PDZRN4: variants seen among roughly 807,000 people sequenced by gnomAD.
The protein encoded by PDZRN4 is PDZ domain-containing RING finger protein 4.
A neutral mutation model predicts 99.0 loss-of-function variants in PDZRN4; 70 were observed. The observed-to-expected ratio is 0.71, with a 90% CI of 0.58 to 0.86. PDZRN4 has a LOEUF of 0.86. Ranked by LOEUF, PDZRN4 falls within the 40% of genes least tolerant of loss-of-function variation. The probability of loss-of-function intolerance (pLI) is 0.00; values close to 1 mark genes in which losing one functional copy is unlikely to be tolerated. For missense variants in PDZRN4, 1,474 were observed against 1,331.2 expected (o/e 1.11, Z -1.67); for synonymous variants, 551 against 501.6 (o/e 1.10, Z -1.32).
chr12:41,390,927 C>A (rs1012775555), intron 3 of PDZRN4, among the ~76,000 whole-genome samples: 2 of 152,110 alleles, frequency 1.3e-5, no homozygotes. Flanking sequence ...AAATATGATT[C>A]TATCATGAAC....
intron 3 of PDZRN4, among the ~76,000 whole-genome samples, chr12:41,201,194 T>C (rs994275121): frequency 2.0e-5 from 3 of 151,902 alleles, no homozygotes; most frequent in Non-Finnish European, 4.4e-5. Flanking sequence ...TACTATCGTT[T>C]CGTGAAACTC....
chr12:41,213,584 G>A (rs1188142402), intron 3 of PDZRN4, among the ~76,000 whole-genome samples: 4 of 151,970 alleles, frequency 2.6e-5, no homozygotes, highest in African/African-American at 2.4e-5. Context: ...TATCACTAGA[G>A]ACAGAAACTA....
chr12:41,374,595 C>T (rs2121087552), intron 3 of PDZRN4, among the ~76,000 whole-genome samples: 1 of 152,204 alleles, frequency 6.6e-6, no homozygotes, highest in Admixed American at 6.5e-5. Context: ...GAATGTTCAA[C>T]AGATATTTAG....
intron 3 of PDZRN4, among the ~76,000 whole-genome samples, chr12:41,213,562 C>T (rs1041627126): frequency 6.6e-6 from 1 of 151,998 alleles, no homozygotes; most frequent in Non-Finnish European, 1.5e-5. Flanking sequence ...TTTCCTCATC[C>T]CTCTTTCTGC....
Position 41,513,190 on chromosome 12 carries a change from T to C in PDZRN4, c.1203+3277T>C, listed in dbSNP as rs116650899. ...ACTTTTAACACACATATTATTTCAC[T>C]GATGGACTGTAACAGGTCCCTTCAG... On this transcript the variant is annotated intron_variant, in intron 5 of 9. Transcript: ENST00000402685. Among the ~76,000 whole-genome samples, 1,493 of 152,212 alleles carry C rather than the reference T, an allele frequency of 9.8e-3. 26 individuals are homozygous for C. Among genetic ancestry groups the C allele is most frequent in the African/African-American group, 0.033 (1,387 of 41,550 alleles).
At chr12:41,197,049 C>T (rs1477742552) in intron 3 of PDZRN4, among the ~76,000 whole-genome samples, 1 of 151,580 alleles carries the variant, frequency 6.6e-6, no homozygotes, top group Non-Finnish European at 1.5e-5. Context: ...TGATATATAA[C>T]TGAAATAAAA....
chr12:41,526,117 T>C (rs917512238), intron 5 of PDZRN4, among the ~76,000 whole-genome samples: 2 of 152,166 alleles, frequency 1.3e-5, no homozygotes, highest in African/African-American at 4.8e-5. Flanking sequence ...TTTGCCTCCA[T>C]AATACCACAC....
At chr12:41,362,247 C>T (rs1273766612) in intron 3 of PDZRN4, among the ~76,000 whole-genome samples, 1 of 151,958 alleles carries the variant, frequency 6.6e-6, no homozygotes. Flanking sequence ...CCCACCCTTG[C>T]TTGCAAAGTG....
At chr12:41,206,534 T>A (rs907705303) in intron 3 of PDZRN4, among the ~76,000 whole-genome samples, 27 of 151,116 alleles carry the variant, frequency 1.8e-4, no homozygotes, top group Admixed American at 1.1e-3. Context: ...TAAGCTTAAT[T>A]AATTAATAAA....
chr12:41,342,795 T>TG (rs1409513799), intron 3 of PDZRN4, among the ~76,000 whole-genome samples: 12 of 152,000 alleles, frequency 7.9e-5, no homozygotes, highest in African/African-American at 2.9e-4. Flanking sequence ...GAAAAAGAGA[T>TG]GGAGTTTTCT....
intron 3 of PDZRN4, among the ~76,000 whole-genome samples, chr12:41,456,569 G>T (rs1390141096): frequency 1.3e-5 from 2 of 152,162 alleles, no homozygotes; most frequent in Non-Finnish European, 2.9e-5. Context: ...CCAGTGCCTG[G>T]AATAGTGGTT....
chr12:41,392,437 A>G (rs979045489), intron 3 of PDZRN4, among the ~76,000 whole-genome samples: 10 of 152,212 alleles, frequency 6.6e-5, no homozygotes, highest in African/African-American at 2.4e-4. Context: ...TTCATTTAAA[A>G]GTCTGGCTGT....
chr12:41,427,748 A>G (rs1952549320), intron 3 of PDZRN4, among the ~76,000 whole-genome samples: 1 of 152,166 alleles, frequency 6.6e-6, no homozygotes, highest in South Asian at 2.1e-4. Flanking sequence ...AGGTCTGAAA[A>G]TGCAAGGAAC....
chr12:41,563,826 G>C (rs1339913705), intron 8 of PDZRN4, among the ~76,000 whole-genome samples, 177 bp downstream of exon 8: 1 of 152,096 alleles, frequency 6.6e-6, no homozygotes, highest in Non-Finnish European at 1.5e-5. Flanking sequence ...TTTAAAAATA[G>C]ATATGAAAGC....
Position 41,268,828 on chromosome 12 carries a change from G to C in PDZRN4, c.843+74640G>C, listed in dbSNP as rs73120968. 7.5e-3 allele frequency among the ~76,000 whole-genome samples: 1,140 copies of C among 152,232 alleles called. 17 individuals carry two copies. The highest frequency in any genetic ancestry group is 0.026 in the African/African-American group (1,068 of 41,542). On this transcript the variant is annotated intron_variant, in intron 3 of 9. Transcript: ENST00000402685. ...TTCTAAAAGTTCAAATTAAATTCGAGAAAGGACATTAGAGGGACACAAAGA... is the reference window on the plus strand; with the variant it reads ...TTCTAAAAGTTCAAATTAAATTCGACAAAGGACATTAGAGGGACACAAAGA...
intron 3 of PDZRN4, among the ~76,000 whole-genome samples, chr12:41,490,283 G>T (rs532256524): frequency 6.6e-6 from 1 of 152,166 alleles, no homozygotes; most frequent in South Asian, 2.1e-4. Flanking sequence ...TTTTCTCCAG[G>T]TCTACATTGG....
chr12:41,408,918 G>A (rs1952370556), intron 3 of PDZRN4, among the ~76,000 whole-genome samples: 1 of 151,550 alleles, frequency 6.6e-6, no homozygotes, highest in African/African-American at 2.4e-5. Flanking sequence ...TATTATTAAT[G>A]CTTGCTTGAA....
At chr12:41,275,554 T>C (rs1321634938) in intron 3 of PDZRN4, among the ~76,000 whole-genome samples, 1 of 152,118 alleles carries the variant, frequency 6.6e-6, no homozygotes, top group African/African-American at 2.4e-5. Context: ...AAATAGATCC[T>C]CTCTGCTCCA....
At chr12:41,397,163 A>G (rs992275548) in intron 3 of PDZRN4, among the ~76,000 whole-genome samples, 1 of 152,312 alleles carries the variant, frequency 6.6e-6, no homozygotes, top group Non-Finnish European at 1.5e-5. Flanking sequence ...TAAATTCTTT[A>G]AATTCTAAAC....
Sources: allele counts gnomAD v4.1 joint callset (sites outside exome capture counted in the v4.1 genomes callset), GRCh38; gene constraint gnomAD v4.1.1; transcripts MANE v1.5; gene names NCBI Gene and HGNC (gene_info 2026-07-23, HGNC 2026-07-21).